Variants in FNDC3B observed in about 807,000 individuals in gnomAD.
FNDC3B encodes fibronectin type III domain containing 3B.
A neutral mutation model predicts 151.5 loss-of-function variants in FNDC3B; 12 were observed. That is an observed-to-expected ratio of 0.08 (90% confidence interval 0.05 to 0.13). The LOEUF (loss-of-function observed/expected upper bound fraction) is 0.13, where lower values mean the gene tolerates loss of function less well. Ranked by LOEUF, FNDC3B falls within the 10% of genes least tolerant of loss-of-function variation. FNDC3B has a pLI of 1.00. For missense variants in FNDC3B, 1,214 were observed against 1,505.3 expected, an observed-to-expected ratio of 0.81 and a Z score of 3.20; for synonymous variants, 528 against 549.0, an observed-to-expected ratio of 0.96 and a Z score of 0.54.
rs560240230 is a variant in FNDC3B at position 172,307,284 on chromosome 3, C to G, written c.1062-79C>G. The G allele has an allele frequency of 1.1e-4, 153 of 1,447,132 alleles. No homozygotes were observed. In the Middle Eastern group the frequency reaches 3.3e-3, roughly 32 times the overall value. 89.6% of individuals were successfully genotyped at this position (1,447,132 alleles called of 1,614,324 possible). ...AGAAATTCTGTTCATCTACAGAAAG[C>G]CTTAGGGTGAAACAAAGATAAGAAT... On this transcript the variant is annotated intron_variant, in intron 9 of 25. Transcript: ENST00000415807.
In FNDC3B at chr3:172,116,230, C is replaced by G. The variant is rs547690463; in HGVS notation, c.111+3640C>G. 1.0e-3 allele frequency among the ~76,000 whole-genome samples: 156 copies of G among 152,310 alleles called. 6 individuals are homozygous for G. The South Asian group carries it at 0.031, about 31-fold the overall frequency. ...TAACAAGAAACAATGTGAACAGAAG[C>G]AGCTTACACAGTTTTCCTTATTTAA... is the stretch of plus-strand genomic sequence containing the variant. On this transcript the variant is annotated intron_variant, in intron 2 of 25. Coordinates refer to ENST00000415807, the MANE Select transcript of FNDC3B (RefSeq NM_022763.4).
At chr3:172,088,742 T>C (rs1718671816) in intron 1 of FNDC3B, among the ~76,000 whole-genome samples, 1 of 152,128 alleles carries the variant, frequency 6.6e-6, no homozygotes, top group African/African-American at 2.4e-5. Flanking sequence ...CATAGTGAAA[T>C]CTAAAAAAGA....
intron 3 of FNDC3B, among the ~76,000 whole-genome samples, chr3:172,149,757 A>G (rs1576910425): frequency 6.9e-6 from 1 of 145,578 alleles, no homozygotes; most frequent in East Asian, 2.0e-4. Context: ...CTCTTGTTTT[A>G]ATAATTGCTA....
intron 11 of FNDC3B, among the ~76,000 whole-genome samples, chr3:172,312,039 C>T (rs751420538): frequency 2.4e-4 from 36 of 152,072 alleles, no homozygotes; most frequent in Admixed American, 1.0e-3. Context: ...GTTAGCTAGC[C>T]TTCGTGACTT....
Position 172,344,214 on chromosome 3 carries a change from G to C in FNDC3B, c.2206G>C (p.Gly736Arg). 1.2e-6 allele frequency: 2 copies of C among 1,614,070 alleles called. No homozygotes were observed. The highest frequency in any genetic ancestry group is 8.5e-7 in the Non-Finnish European group (1 of 1,179,968). Residue 736 changes from glycine to arginine, a missense_variant, in exon 19 of 26, where the codon GGA becomes CGA. Around this residue, in one of 7 missense-constraint regions of FNDC3B, gnomAD observed 380 missense variants for 420.9 expected, o/e 0.90. Transcript: ENST00000415807. ...LECTVGNLLP[G>R]TVYRFRVRAL... ...GTGCACCGTCGGCAACCTGCTTCCTGGAACCGTGTATCGCTTCCGGGTGAG... is the reference window on the plus strand; with the variant it reads ...GTGCACCGTCGGCAACCTGCTTCCTCGAACCGTGTATCGCTTCCGGGTGAG...
chr3:172,250,775 A>T (rs1728020197), intron 5 of FNDC3B, among the ~76,000 whole-genome samples: 1 of 152,168 alleles, frequency 6.6e-6, no homozygotes, highest in Non-Finnish European at 1.5e-5. Flanking sequence ...GTTAGAAACA[A>T]ATGGGAATGC....
intron 4 of FNDC3B, among the ~76,000 whole-genome samples, chr3:172,232,296 A>G (rs1443640632): frequency 1.3e-5 from 2 of 152,262 alleles, no homozygotes; most frequent in Non-Finnish European, 2.9e-5. Context: ...GATTTGTTGT[A>G]TAATTAAATA....
chr3:172,120,737 G>A (rs1720499402), intron 2 of FNDC3B, among the ~76,000 whole-genome samples: 1 of 152,102 alleles, frequency 6.6e-6, no homozygotes, highest in South Asian at 2.1e-4. Context: ...ACTTTTGGGA[G>A]GCCGAGGCGG....
rs1288340346 is a variant in FNDC3B, at chr3:172,181,409, A to AC, written c.188-45462_188-45461insC. Among the ~76,000 whole-genome samples, 447 of 145,134 alleles carry AC rather than the reference A, an allele frequency of 3.1e-3. 4 individuals carry two copies. Among genetic ancestry groups the AC allele is most frequent in the African/African-American group, 0.01 (413 of 39,988 alleles). On this transcript the variant is annotated intron_variant, in intron 3 of 25. Coordinates refer to ENST00000415807, the MANE Select transcript of FNDC3B (RefSeq NM_022763.4). Reference sequence around the variant, plus strand: ...GACTCTGTCTCCAAAAAAAAAAAAAAAAAAACAAAAAAAAACACCTTTAGA... The same window carrying AC: ...GACTCTGTCTCCAAAAAAAAAAAAAACAAAAACAAAAAAAAACACCTTTAGA...
chr3:172,089,290 GT>G (rs1389116387), intron 1 of FNDC3B, among the ~76,000 whole-genome samples: 1 of 152,108 alleles, frequency 6.6e-6, no homozygotes, highest in African/African-American at 2.4e-5. Flanking sequence ...TAAAATGTGT[GT>G]TATAGGGGTA....
intron 1 of FNDC3B, among the ~76,000 whole-genome samples, chr3:172,092,338 G>A (rs558772075): frequency 6.6e-6 from 1 of 152,186 alleles, no homozygotes; most frequent in Non-Finnish European, 1.5e-5. Context: ...ACTCTACCTT[G>A]TGTTAGGTAT....
Position 172,226,908 on chromosome 3 carries a change from C to T in FNDC3B, c.225C>T (p.Ser75=), listed in dbSNP as rs1340132655. 2.5e-6 allele frequency: 4 copies of T among 1,613,158 alleles called. No individual in the cohort carries two copies. Among genetic ancestry groups the T allele is most frequent in the Non-Finnish European group, 3.4e-6 (4 of 1,179,096 alleles). ...TTCCCATGATGTCACCCAATGGATC[C>T]ATTCCTCCCATTCATGTGCCTCCAG... ...AEVPMMSPNG[S]IPPIHVPPGY... The change falls in exon 4 of 26, where the codon TCC becomes TCT. Residue 75 remains serine, a synonymous_variant. Transcript: ENST00000415807.
chr3:172,383,280 G>A (rs1735550152), intron 25 of FNDC3B, among the ~76,000 whole-genome samples: 1 of 152,154 alleles, frequency 6.6e-6, no homozygotes, highest in Admixed American at 6.5e-5. Context: ...TATTATTGGT[G>A]TATAGGAATG....
chr3:172,231,141 C>T (rs2108747694), intron 4 of FNDC3B, among the ~76,000 whole-genome samples: 1 of 152,302 alleles, frequency 6.6e-6, no homozygotes, highest in Non-Finnish European at 1.5e-5. Flanking sequence ...GAATAAAGAA[C>T]TGATACATGC....
At chr3:172,166,153 A>AGTCATC (rs1223232308) in intron 3 of FNDC3B, among the ~76,000 whole-genome samples, 1 of 152,220 alleles carries the variant, frequency 6.6e-6, no homozygotes. Flanking sequence ...TGGTGAAAAA[A>AGTCATC]GTCATCATTT....
intron 7 of FNDC3B, among the ~76,000 whole-genome samples, chr3:172,293,882 A>G (rs1422227182): frequency 2.6e-5 from 4 of 152,298 alleles, no homozygotes; most frequent in Admixed American, 6.5e-5. Flanking sequence ...CTTTATGTAG[A>G]TCCTATAGTG....
At chr3:172,255,069 G>A (rs1728261069) in intron 6 of FNDC3B, among the ~76,000 whole-genome samples, 1 of 152,096 alleles carries the variant, frequency 6.6e-6, no homozygotes, top group Admixed American at 6.5e-5. Context: ...TCTCATCTGA[G>A]ATAGCTGCCT....
chr3:172,110,698 A>C (rs957625948), intron 1 of FNDC3B, among the ~76,000 whole-genome samples: 2 of 151,984 alleles, frequency 1.3e-5, no homozygotes, highest in African/African-American at 4.8e-5. Flanking sequence ...CCACAGCCTC[A>C]ATAGCAAGTG....
rs1234346312 is a variant in FNDC3B at position 172,040,635 on chromosome 3, C to T, written c.-29+864C>T. The T allele has an allele frequency of 6.6e-6, 1 of 151,752 alleles. No homozygotes were observed. Among genetic ancestry groups the T allele is most frequent in the Non-Finnish European group, 1.5e-5 (1 of 67,872 alleles). The allele number at this position is 151,752 out of a possible 1,614,324, so 9.4% of individuals were successfully genotyped here. A position where few individuals can be genotyped will look rare whatever the true frequency, so the allele number is the denominator to read the frequency against. ...GCCAGCGGAGCTCCGGTCAGTCGGTCACCCCGAGGGGCGCCTCGGCCGGGG... is the reference window on the plus strand; with the variant it reads ...GCCAGCGGAGCTCCGGTCAGTCGGTTACCCCGAGGGGCGCCTCGGCCGGGG... On this transcript the variant is annotated intron_variant, in intron 1 of 25. Transcript: ENST00000415807. This position sits in a 1 kb window ranked among gnomAD's most constrained non-coding sequence, Gnocchi z 6.6.
Sources: allele counts gnomAD v4.1 joint callset (sites outside exome capture counted in the v4.1 genomes callset), GRCh38; gene constraint gnomAD v4.1.1; regional missense constraint gnomAD v4.1.1; non-coding constraint Gnocchi (gnomAD v3.1); transcripts MANE v1.5; gene names NCBI Gene and HGNC (gene_info 2026-07-23, HGNC 2026-07-21).